Variants in COL18A1 observed in about 807,000 individuals in gnomAD.
COL18A1 encodes collagen alpha-1(XVIII) chain.
In COL18A1, 133 loss-of-function variants were observed where a neutral mutation model predicts 168.0. That is an observed-to-expected ratio of 0.79 (90% CI 0.69 to 0.91). The LOEUF is 0.91. Ranked by LOEUF, COL18A1 falls within the 40% of genes least tolerant of loss-of-function variation. COL18A1 has a pLI of 0.00. For synonymous variants in COL18A1, 949 were observed against 809.0 expected (o/e 1.17, Z -2.94); for missense variants, 2,126 against 1,925.4 (o/e 1.10, Z -1.95).
chr21:45,414,968 G>T (rs1016658468), intron 2 of COL18A1, among the ~76,000 whole-genome samples: 2 of 152,054 alleles, frequency 1.3e-5, no homozygotes, highest in Admixed American at 6.5e-5. Context: ...AGATGGAGCC[G>T]CTGGGGAGGG....
At chr21:45,482,879 G>A (rs765163076) in intron 15 of COL18A1, 58 bp downstream of exon 15, 38 of 1,613,552 alleles carry the variant, frequency 2.4e-5, no homozygotes, top group Admixed American at 2.0e-4. Context: ...CTCAGTGCTC[G>A]GACCCCCAAA....
At chr21:45,428,654 C>A (rs1283109985) in intron 2 of COL18A1, among the ~76,000 whole-genome samples, 1 of 152,158 alleles carries the variant, frequency 6.6e-6, no homozygotes, top group Non-Finnish European at 1.5e-5. Context: ...ACCTGCGAGT[C>A]CACTTTCCAC....
At chr21:45,480,366 G>A (rs924414613) in intron 11 of COL18A1, 101 bp from the exon 12 acceptor site, 16 of 1,605,778 alleles carry the variant, frequency 1.0e-5, no homozygotes, top group African/African-American at 4.0e-5. Flanking sequence ...TCAGCTCCTT[G>A]TAGAAACAGC....
At chr21:45,496,112 C>T (rs949845341) in intron 29 of COL18A1, 7 of 378,274 alleles carry the variant, frequency 1.9e-5, no homozygotes, top group Admixed American at 1.1e-4. Context: ...CCCTCCATGC[C>T]CTCCAAGCCC....
rs1458791577 is a variant in COL18A1 at position 45,475,583 on chromosome 21, G to T, written c.798+48G>T. The T allele has an allele frequency of 2.6e-6, 4 of 1,526,670 alleles. No individual in the cohort carries two copies. The African/African-American group carries it at 5.5e-5, about 21-fold the overall frequency. The allele number at this position is 1,526,670 out of a possible 1,614,324, so 94.6% of individuals were successfully genotyped here. On this transcript the variant is annotated intron_variant, in intron 5 of 41. Transcript: ENST00000651438. ...GCCCACGCTGCAGGGTCCCGGGAGA[G>T]CCCCTCCCAGCAGTGGGGTGACACA...
chr21:45,480,501 G>C lies in COL18A1; in HGVS notation c.1433G>C (p.Gly478Ala). The C allele has an allele frequency of 6.2e-7, 1 of 1,614,166 alleles. No homozygotes were observed. ...FIDMEGSGFGGDLEALRGPRG... is the reference protein window; with the variant it reads ...FIDMEGSGFGADLEALRGPRG... ...GACATGGAGGGATCTGGCTTCGGGG[G>C]CGATCTGGAGGCCCTGCGGGTGAGT... The change falls in exon 12 of 42, where the codon GGC becomes GCC. Residue 478 changes from glycine (G) to alanine (A), a missense_variant. Physicochemically the swap from Gly to Ala is moderately conservative, Grantham distance 60 (BLOSUM62 0). Transcript: ENST00000651438.
intron 15 of COL18A1, among the ~76,000 whole-genome samples, chr21:45,483,738 G>A (rs1372266196): frequency 1.3e-5 from 2 of 152,236 alleles, no homozygotes. Flanking sequence ...CAAGCTCCAG[G>A]ATGGGGGTGA....
chr21:45,482,414 G>A (rs753111514), intron 14 of COL18A1: 30 of 595,746 alleles, frequency 5.0e-5, no homozygotes, highest in Non-Finnish European at 7.2e-5. Context: ...CCTGGGGAGC[G>A]GTCTCCAGCA....
intron 2 of COL18A1, among the ~76,000 whole-genome samples, chr21:45,438,969 A>G (rs1481949220): frequency 6.6e-6 from 1 of 152,108 alleles, no homozygotes; most frequent in African/African-American, 2.4e-5. Context: ...GGATACCGAA[A>G]GCCACAGGAC....
intron 2 of COL18A1, among the ~76,000 whole-genome samples, chr21:45,437,355 T>TGCGC (rs766782233): frequency 1.0e-4 from 4 of 38,458 alleles, no homozygotes; most frequent in African/African-American, 1.8e-4. Context: ...GGCACTCTCC[T>TGCGC]GCGCACACAC....
Position 45,476,921 on chromosome 21 carries a change from TTGTGTGTG to T in COL18A1, c.928+464_929-460del, listed in dbSNP as rs56196443. Reference sequence around the variant, plus strand: ...ATGTGTGTGATGTGTATTATGTGTTTTGTGTGTGTGTGTGTGTGTGTGTGTGTGTGGCA... The same window carrying T: ...ATGTGTGTGATGTGTATTATGTGTTTTGTGTGTGTGTGTGTGTGTGTGGCA... On this transcript the variant is annotated intron_variant, in intron 6 of 41. Transcript: ENST00000651438. Among the ~76,000 whole-genome samples the T allele has an allele frequency of 2.3e-4, 34 of 146,964 alleles. No individual in the cohort carries two copies. In the East Asian group the frequency reaches 4.1e-3, roughly 18 times the overall value.
At chr21:45,474,899 A>G (rs146224778) in intron 4 of COL18A1, among the ~76,000 whole-genome samples, 1 of 152,186 alleles carries the variant, frequency 6.6e-6, no homozygotes, top group Admixed American at 6.5e-5. Context: ...AACATGCCAG[A>G]AGACGCCAGA....
intron 32 of COL18A1, among the ~76,000 whole-genome samples, chr21:45,501,194 A>G (rs1404795740): frequency 6.6e-6 from 1 of 151,998 alleles, no homozygotes; most frequent in Non-Finnish European, 1.5e-5. Flanking sequence ...GAGCAAGTCT[A>G]CCAGAGAAAT....
chr21:45,417,096 T>C (rs1290812276), intron 2 of COL18A1, among the ~76,000 whole-genome samples: 3 of 152,212 alleles, frequency 2.0e-5, no homozygotes, highest in Non-Finnish European at 1.5e-5. Flanking sequence ...CTTTTGGTTG[T>C]GGCGGGTTGC....
intron 32 of COL18A1, among the ~76,000 whole-genome samples, chr21:45,500,388 GA>G (rs2036724898): frequency 7.8e-6 from 1 of 128,418 alleles, no homozygotes; most frequent in African/African-American, 3.4e-5. Flanking sequence ...GGGGTGTGTG[GA>G]GTGTGTGTAT....
rs551265057 is a variant in COL18A1, at chr21:45,453,707, T to A, written c.107-14535T>A. 2.0e-5 allele frequency among the ~76,000 whole-genome samples: 3 copies of A among 151,668 alleles called. No individual in the cohort carries two copies. The East Asian group carries it at 5.9e-4, about 30-fold the overall frequency. On this transcript the variant is annotated intron_variant, in intron 2 of 41. Transcript: ENST00000651438. The stretch of plus-strand genomic sequence containing the variant: ...AGGAATGGAGTGGGCAGGGGAAGGG[T>A]GGAGGGAGCTGGGCACCCTGCAGAT...
In COL18A1 at chr21:45,492,553, C is replaced by T; in HGVS notation, c.2176C>T (p.Pro726Ser). ...SEQDGSVLSVPGPEGRPGFAG... is the reference protein window; with the variant it reads ...SEQDGSVLSVSGPEGRPGFAG... ...TGGACAGGGATCCGTCCTGAGCGTG[C>T]CGGGACCTGAGGTATGTGCCTGCCC... is the stretch of plus-strand genomic sequence containing the variant. The change falls in exon 23 of 42, where the codon CCG (proline) becomes TCG (serine). Residue 726 changes from proline to serine, a missense_variant. Coordinates refer to ENST00000651438, the MANE Select transcript of COL18A1 (RefSeq NM_001379500.1). 3 of 1,613,240 alleles carry T rather than the reference C, an allele frequency of 1.9e-6. No homozygotes were observed. The highest frequency in any genetic ancestry group is 3.3e-5 in the Admixed American group (2 of 60,026).
At position 45,457,365 on chromosome 21, in the gene COL18A1, G is replaced by A. The variant is rs1285150830; in HGVS notation, c.107-10877G>A. 2.0e-5 allele frequency among the ~76,000 whole-genome samples: 3 copies of A among 152,208 alleles called. No homozygotes were observed. Among genetic ancestry groups the A allele is most frequent in the African/African-American group, 7.2e-5 (3 of 41,464 alleles). On this transcript the variant is annotated intron_variant, in intron 2 of 41. Transcript: ENST00000651438. The surrounding 1 kb of genome is among the most constrained non-coding windows in gnomAD (Gnocchi z 4.6). ...CCAAGGGTGCTGCCGCGTGGGCAGT[G>A]CAGAGACCCTACCAGCGTGGGGACC...
rs183085141 is a variant in COL18A1, at chr21:45,479,910, C to A, written c.1257C>A (p.Thr419=). 1.3e-4 allele frequency: 205 copies of A among 1,613,664 alleles called. 2 individuals carry two copies. In the African/African-American group the frequency reaches 2.4e-3, roughly 19 times the overall value. ...CGGATGTTGTGTTCCAGGGCGACAC[C>A]GGGCCACAAGGCTTCCCCGGGACTC... ...DPGEDGKPGD[T]GPQGFPGTPG... is the part of the protein sequence containing the mutation. The change falls in exon 10 of 42, where the codon ACC becomes ACA. Residue 419 remains threonine, a synonymous_variant. Coordinates refer to ENST00000651438, the MANE Select transcript of COL18A1 (RefSeq NM_001379500.1).
Sources: allele counts gnomAD v4.1 joint callset (sites outside exome capture counted in the v4.1 genomes callset), GRCh38; gene constraint gnomAD v4.1.1; non-coding constraint Gnocchi (gnomAD v3.1); transcripts MANE v1.5; gene names NCBI Gene and HGNC (gene_info 2026-07-23, HGNC 2026-07-21).